IKZF5: variants seen among roughly 807,000 people sequenced by gnomAD.
The protein encoded by IKZF5 is zinc finger protein Pegasus.
In IKZF5, 4 loss-of-function variants were observed where a neutral mutation model predicts 30.7. The observed-to-expected ratio is 0.13, with a 90% CI of 0.06 to 0.30. The LOEUF is 0.30. IKZF5 is among the 10% of genes least tolerant of loss of function. The pLI, the probability that IKZF5 is intolerant of heterozygous loss-of-function variation, is 1.00. For missense variants in IKZF5, 348 were observed against 525.5 expected, an observed-to-expected ratio of 0.66 and a Z score of 3.30; for synonymous variants, 148 against 179.6, an observed-to-expected ratio of 0.82 and a Z score of 1.41.
At chr10:123,003,842 C>T (rs1849692133) in intron 2 of IKZF5, among the ~76,000 whole-genome samples, 1 of 152,218 alleles carries the variant, frequency 6.6e-6, no homozygotes, top group South Asian at 2.1e-4. Flanking sequence ...TTTCAAATCA[C>T]TTTGCAATTT....
At chr10:123,007,979 G>T (rs1425670290) in intron 1 of IKZF5, among the ~76,000 whole-genome samples, 1 of 152,036 alleles carries the variant, frequency 6.6e-6, no homozygotes, top group Non-Finnish European at 1.5e-5. Context: ...CTCTAAGCAG[G>T]CCACGTGGTT....
intron 3 of IKZF5, 86 bp downstream of exon 3, chr10:122,998,407 C>T (rs1371853530): frequency 4.0e-5 from 45 of 1,126,190 alleles, no homozygotes; most frequent in Middle Eastern, 2.1e-4. Flanking sequence ...CACATTAATG[C>T]GCAGTGGTCT....
chr10:122,996,285 C>T (rs1301401251), intron 3 of IKZF5, 109 bp from the exon 4 acceptor site: 6 of 917,322 alleles, frequency 6.5e-6, no homozygotes, highest in Non-Finnish European at 9.8e-6. Flanking sequence ...TCACTTCTCA[C>T]AAAAGTTAAG....
chr10:123,008,593 A>T, intron 1 of IKZF5, 101 bp downstream of exon 1: 1 of 288,768 alleles, frequency 3.5e-6, no homozygotes, highest in Middle Eastern at 1.4e-3. Context: ...CGTCCGGATC[A>T]GCCGGCCCGC....
At position 122,992,765 on chromosome 10, in the gene IKZF5, G is replaced by T. The variant is rs1849211720; in HGVS notation, c.*1015C>A. On this transcript the variant is annotated 3_prime_UTR_variant, in exon 5 of 5. Transcript: ENST00000368886. ...ATGGCTAATTCTGAAGAGGAGACAA[G>T]AATCCATTTTGGACATGTTCTCAGT... 2 of 152,368 alleles carry T rather than the reference G, an allele frequency of 1.3e-5. No individual in the cohort carries two copies. The highest frequency in any genetic ancestry group is 2.9e-5 in the Non-Finnish European group (2 of 67,998). 9.4% of individuals were successfully genotyped at this position (152,368 alleles called of 1,614,324 possible).
At chr10:123,008,388 T>C (rs1849899779) in intron 1 of IKZF5, among the ~76,000 whole-genome samples, 1 of 152,098 alleles carries the variant, frequency 6.6e-6, no homozygotes, top group Non-Finnish European at 1.5e-5. Flanking sequence ...CAGAACCACC[T>C]GTCAGAGCCA....
At chr10:123,006,053 A>C (rs1406690131) in intron 2 of IKZF5, among the ~76,000 whole-genome samples, 4 of 152,190 alleles carry the variant, frequency 2.6e-5, no homozygotes, top group African/African-American at 7.2e-5. Flanking sequence ...GTGTAGGTGG[A>C]TATCTATATA....
intron 3 of IKZF5, 90 bp downstream of exon 3, chr10:122,998,403 A>G: frequency 9.2e-7 from 1 of 1,082,912 alleles, no homozygotes. Flanking sequence ...GATTCACATT[A>G]ATGCGCAGTG....
intron 3 of IKZF5, among the ~76,000 whole-genome samples, chr10:122,996,572 T>C (rs1026505015): frequency 1.3e-5 from 2 of 150,434 alleles, no homozygotes; most frequent in Non-Finnish European, 3.0e-5. Flanking sequence ...GGCATGGTGG[T>C]GCACACCTGT....
chr10:122,993,477 C>A lies in IKZF5; in HGVS notation c.*303G>T. 1 of 203,950 alleles carries A rather than the reference C, an allele frequency of 4.9e-6. No individual in the cohort carries two copies. The highest frequency in any genetic ancestry group is 9.8e-6 in the Non-Finnish European group (1 of 101,628). The allele number at this position is 203,950 out of a possible 1,614,324, so 12.6% of individuals were successfully genotyped here. On this transcript the variant is annotated 3_prime_UTR_variant, in exon 5 of 5. Coordinates refer to ENST00000368886, the MANE Select transcript of IKZF5 (RefSeq NM_001372123.1). ...GGATAAGCCTTGAAGTTTTTATGGACCATAAATGTGAGAAATTCAAATGAA... is the reference window on the plus strand; with the variant it reads ...GGATAAGCCTTGAAGTTTTTATGGAACATAAATGTGAGAAATTCAAATGAA...
chr10:123,001,531 A>C (rs1849586039), intron 2 of IKZF5, among the ~76,000 whole-genome samples: 1 of 152,164 alleles, frequency 6.6e-6, no homozygotes, highest in South Asian at 2.1e-4. Flanking sequence ...TAAGAGTCAA[A>C]GCATACTTTT....
In IKZF5 at chr10:122,993,105, A is replaced by T. The variant is rs1849224340; in HGVS notation, c.*675T>A. On this transcript the variant is annotated 3_prime_UTR_variant, in exon 5 of 5. Transcript: ENST00000368886. ...CTCTAGTGTATTTACCTGTGAAAAT[A>T]AAAATCCAGTGGAAAACTGACATGT... The T allele has an allele frequency of 6.6e-6, 1 of 152,426 alleles. No homozygotes were observed. Among genetic ancestry groups the T allele is most frequent in the African/African-American group, 2.4e-5 (1 of 41,476 alleles). The allele number at this position is 152,426 out of a possible 1,614,324, so 9.4% of individuals were successfully genotyped here. A position where few individuals can be genotyped will look rare whatever the true frequency, so the allele number is the denominator to read the frequency against.
chr10:122,997,605 C>T (rs1049186983), intron 3 of IKZF5: 2 of 152,200 alleles, frequency 1.3e-5, no homozygotes, highest in African/African-American at 2.4e-5. Flanking sequence ...ATTATAAGGC[C>T]GTACCCAGAC....
In IKZF5 at chr10:123,008,533, T is replaced by C. The variant is rs1402935481; in HGVS notation, c.-198+161A>G. The stretch of plus-strand genomic sequence containing the variant: ...CTCCGGCTAAAGAGGTCCCGGGCCA[T>C]CACCTGCCCGCCTACCGACCACGCC... On this transcript the variant is annotated intron_variant, in intron 1 of 4. Coordinates refer to ENST00000368886, the MANE Select transcript of IKZF5 (RefSeq NM_001372123.1). 1.5e-5 allele frequency: 3 copies of C among 200,806 alleles called. No individual in the cohort carries two copies. In the East Asian group the frequency reaches 3.9e-4, roughly 26 times the overall value. 12.4% of individuals were successfully genotyped at this position (200,806 alleles called of 1,614,324 possible).
At chr10:122,996,626 T>G (rs1431898887) in intron 3 of IKZF5, among the ~76,000 whole-genome samples, 2 of 152,016 alleles carry the variant, frequency 1.3e-5, no homozygotes, top group East Asian at 3.9e-4. Context: ...ATCGCTGGAA[T>G]CCAGGAGGCA....
At chr10:123,003,880 T>C (rs1849693076) in intron 2 of IKZF5, among the ~76,000 whole-genome samples, 2 of 152,268 alleles carry the variant, frequency 1.3e-5, no homozygotes, top group South Asian at 4.1e-4. Context: ...TTATTTTACT[T>C]ATAGGCCACC....
chr10:122,997,363 C>T (rs1019138104), intron 3 of IKZF5: 5 of 152,270 alleles, frequency 3.3e-5, no homozygotes, highest in African/African-American at 1.2e-4. Flanking sequence ...CTGGTTGAGA[C>T]AAGACCAATA....
At chr10:122,999,504 G>A (rs940568944) in intron 2 of IKZF5, among the ~76,000 whole-genome samples, 2 of 152,226 alleles carry the variant, frequency 1.3e-5, no homozygotes, top group African/African-American at 2.4e-5. Flanking sequence ...ACTCAACTGT[G>A]TCACGGTAAG....
At chr10:122,995,911 T>C in intron 4 of IKZF5, 83 bp downstream of exon 4, 1 of 1,279,942 alleles carries the variant, frequency 7.8e-7, no homozygotes, top group Non-Finnish European at 1.1e-6. Context: ...ATATTAAAAC[T>C]ATTTCTATGA....
Sources: gnomAD v4.1 joint callset for allele counts (sites outside exome capture counted in the v4.1 genomes callset) on GRCh38, gnomAD v4.1.1 for gene constraint, MANE v1.5 for transcripts, NCBI Gene and HGNC (gene_info 2026-07-23, HGNC 2026-07-21) for gene names.